Variants in NDUFV3 observed in about 807,000 individuals in gnomAD.
NDUFV3 encodes the protein NADH:ubiquinone oxidoreductase subunit V3.
NDUFV3 carries 44 observed loss-of-function variants against 37.5 expected under a neutral mutation model. The ratio of observed to expected loss-of-function variants is 1.17; its 90% confidence interval spans 0.92 to 1.51. NDUFV3 has a LOEUF of 1.51. NDUFV3 is among the 40% of genes most tolerant of loss of function. The probability of loss-of-function intolerance (pLI) is 0.00; values close to 1 mark genes in which losing one functional copy is unlikely to be tolerated. For missense variants in NDUFV3, 580 were observed against 580.4 expected, an observed-to-expected ratio of 1.00 and a Z score of 0.01; for synonymous variants, 235 against 239.3, an observed-to-expected ratio of 0.98 and a Z score of 0.17.
At chr21:42,904,398 G>A in intron 3 of NDUFV3, 122 bp downstream of exon 3, 1 of 1,331,652 alleles carries the variant, frequency 7.5e-7, no homozygotes, top group Non-Finnish European at 1.0e-6. Context: ...TAGAAATATG[G>A]CCTGTAACGC....
chr21:42,895,297 A>C (rs554376501), intron 1 of NDUFV3, among the ~76,000 whole-genome samples: 1 of 152,272 alleles, frequency 6.6e-6, no homozygotes, highest in African/African-American at 2.4e-5. Context: ...AACCTGATCA[A>C]CATGGTGAAA....
At chr21:42,896,016 C>T (rs1271001528) in intron 1 of NDUFV3, among the ~76,000 whole-genome samples, 2 of 143,170 alleles carry the variant, frequency 1.4e-5, no homozygotes, top group Non-Finnish European at 3.0e-5. Flanking sequence ...GACAGTCTCA[C>T]TCTGTTGTCC....
At position 42,910,385 on chromosome 21, in the gene NDUFV3, G is replaced by T. The variant is rs947647750; in HGVS notation, c.*1364G>T. 2 of 152,336 alleles carry T rather than the reference G, an allele frequency of 1.3e-5. No individual in the cohort carries two copies. The highest frequency in any genetic ancestry group is 4.8e-5 in the African/African-American group (2 of 41,456). The allele number at this position is 152,336 out of a possible 1,614,324, so 9.4% of individuals were successfully genotyped here. ...TGCATTGCAAACAAATTGTATTGCA[G>T]TATTTTACCATCAGAAAAGGAAGGG... On this transcript the variant is annotated 3_prime_UTR_variant, in exon 4 of 4. Transcript: ENST00000354250.
chr21:42,904,080 G>T lies in NDUFV3; in HGVS notation c.1068G>T (p.Gly356=). The stretch of plus-strand genomic sequence containing the variant: ...CCCTGCCCAGAAAGGAAACCTCAGG[G>T]ACGCAGGGAATAGAAGGCCACCTGA... The part of the protein sequence containing the change: ...APPLPRKETS[G]TQGIEGHLKG... Residue 356 remains glycine (G), a synonymous_variant, in exon 3 of 4, where the codon GGG becomes GGT. Transcript: ENST00000354250. 1 of 1,614,242 alleles carries T rather than the reference G, an allele frequency of 6.2e-7. No individual in the cohort carries two copies. Among genetic ancestry groups the T allele is most frequent in the Non-Finnish European group, 8.5e-7 (1 of 1,180,038 alleles).
chr21:42,898,025 T>C (rs1034285343), intron 2 of NDUFV3, among the ~76,000 whole-genome samples: 1 of 152,200 alleles, frequency 6.6e-6, no homozygotes, highest in Non-Finnish European at 1.5e-5. Context: ...TTGAGTTTGG[T>C]CTTATTTTCA....
rs183648098 is a variant in NDUFV3, at chr21:42,904,267, G to A, written c.1255G>A (p.Gly419Ser). The change falls in exon 3 of 4, where the codon GGC becomes AGC. Residue 419 changes from glycine (G) to serine (S), a missense_variant. Physicochemically the swap from Gly to Ser is moderately conservative, Grantham distance 56. Coordinates refer to ENST00000354250, the MANE Select transcript of NDUFV3 (RefSeq NM_021075.4). ...DAAAPGDDRGGTQEPAPVPAE... is the reference protein window; with the variant it reads ...DAAAPGDDRGSTQEPAPVPAE... ...AGCCGCGCCAGGGGACGACCGAGGC[G>A]GCACACAGGGTATACCTTGACTCGC... is the stretch of plus-strand genomic sequence containing the variant. 28 of 1,595,846 alleles carry A rather than the reference G, an allele frequency of 1.8e-5. 1 individual carries two copies. The highest frequency in any genetic ancestry group is 1.4e-4 in the Admixed American group (8 of 56,576).
At chr21:42,902,495 C>A (rs573494636) in intron 2 of NDUFV3, among the ~76,000 whole-genome samples, 1 of 152,032 alleles carries the variant, frequency 6.6e-6, no homozygotes. Flanking sequence ...AAGGCCATGC[C>A]CTCACTTTTC....
chr21:42,902,190 A>G (rs904833597), intron 2 of NDUFV3, among the ~76,000 whole-genome samples: 1 of 152,226 alleles, frequency 6.6e-6, no homozygotes, highest in African/African-American at 2.4e-5. Context: ...CCTGGGCAAC[A>G]AGAGTGAAAC....
rs1251248766 is a variant in NDUFV3 at position 42,904,189 on chromosome 21, G to A, written c.1177G>A (p.Glu393Lys). The stretch of plus-strand genomic sequence containing the variant: ...TGTTGAGAATAACCACGGTTTCCAT[G>A]AAAAGACAGCAGCGCTGAAGCTTGA... ...VPVENNHGFH[E>K]KTAALKLEAE... Residue 393 changes from glutamate to lysine, a missense_variant, in exon 3 of 4, where the codon GAA (glutamate) becomes AAA (lysine). Physicochemically the swap from Glu to Lys is moderately conservative, Grantham distance 56. Coordinates refer to ENST00000354250, the MANE Select transcript of NDUFV3 (RefSeq NM_021075.4). 5.0e-6 allele frequency: 8 copies of A among 1,614,060 alleles called. No homozygotes were observed. In the Admixed American group the frequency reaches 1.2e-4, roughly 24 times the overall value.
rs1354156099 is a variant in NDUFV3, at chr21:42,903,335, C to T, written c.323C>T (p.Thr108Ile). The change falls in exon 3 of 4, where the codon ACA (threonine) becomes ATA (isoleucine). Residue 108 changes from threonine (T) to isoleucine (I), a missense_variant. Transcript: ENST00000354250. The part of the protein sequence containing the change: ...SPSPSGSVLF[T>I]DEGVPKFLSR... ...AGTCCCAGTGGCAGCGTGCTATTCA[C>T]AGATGAAGGGGTTCCGAAATTTTTG... The T allele has an allele frequency of 5.6e-6, 9 of 1,614,168 alleles. No homozygotes were observed. The highest frequency in any genetic ancestry group is 5.9e-6 in the Non-Finnish European group (7 of 1,180,024).
In NDUFV3 at chr21:42,913,115, G is replaced by C. The variant is rs923179855; in HGVS notation, c.*4094G>C. The C allele has an allele frequency of 1.3e-5, 2 of 152,150 alleles. No homozygotes were observed. The highest frequency in any genetic ancestry group is 2.9e-5 in the Non-Finnish European group (2 of 68,068). The allele number at this position is 152,150 out of a possible 1,614,324, so 9.4% of individuals were successfully genotyped here. On this transcript the variant is annotated 3_prime_UTR_variant, in exon 4 of 4. Transcript: ENST00000354250. Reference sequence around the variant, plus strand: ...AATAAGTGGGTGTTTTAAGTGCTCAGCTTCCTTGGTTCTACCACCTTCTCT... The same window carrying C: ...AATAAGTGGGTGTTTTAAGTGCTCACCTTCCTTGGTTCTACCACCTTCTCT...
rs1183472909 is a variant in NDUFV3 at position 42,904,052 on chromosome 21, C to G, written c.1040C>G (p.Pro347Arg). The G allele has an allele frequency of 6.2e-7, 1 of 1,614,186 alleles. No individual in the cohort carries two copies. The highest frequency in any genetic ancestry group is 1.7e-5 in the Admixed American group (1 of 60,026). Reference sequence around the variant, plus strand: ...CCAGAGCCCCAGCGCAAGGCGGCCCCTCCCCTGCCCAGAAAGGAAACCTCA... The same window carrying G: ...CCAGAGCCCCAGCGCAAGGCGGCCCGTCCCCTGCCCAGAAAGGAAACCTCA... Reference protein sequence around the residue: ...PVPEPQRKAAPPLPRKETSGT... With the variant: ...PVPEPQRKAARPLPRKETSGT... Residue 347 changes from proline to arginine, a missense_variant, in exon 3 of 4, where the codon CCT (proline) becomes CGT (arginine). Coordinates refer to ENST00000354250, the MANE Select transcript of NDUFV3 (RefSeq NM_021075.4).
At position 42,894,559 on chromosome 21, in the gene NDUFV3, A is replaced by T. The variant is rs1488630528; in HGVS notation, c.48+1178A>T. Among the ~76,000 whole-genome samples the T allele has an allele frequency of 1.4e-4, 9 of 63,758 alleles. 1 individual carries two copies. The highest frequency in any genetic ancestry group is 2.6e-4 in the East Asian group (1 of 3,884). 41.8% of individuals were successfully genotyped at this position (63,758 alleles called of 152,430 possible). Reference sequence around the variant, plus strand: ...TCATAATATAATATATAATATATATATATTTTTTTTTGAGACAGAGCCTCA... The same window carrying T: ...TCATAATATAATATATAATATATATTTATTTTTTTTTGAGACAGAGCCTCA... On this transcript the variant is annotated intron_variant, in intron 1 of 3. Transcript: ENST00000354250.
chr21:42,893,798 G>A (rs1041118580), intron 1 of NDUFV3, among the ~76,000 whole-genome samples: 1 of 152,276 alleles, frequency 6.6e-6, no homozygotes, highest in Non-Finnish European at 1.5e-5. Flanking sequence ...GAGAGGAAAT[G>A]AGGGAACTTT....
chr21:42,896,807 C>A, intron 1 of NDUFV3, 120 bp from the exon 2 acceptor site: 1 of 1,043,714 alleles, frequency 9.6e-7, no homozygotes. Flanking sequence ...CCACTGCACT[C>A]CAGCCTGGAC....
At chr21:42,899,191 A>T (rs2146152516) in intron 2 of NDUFV3, among the ~76,000 whole-genome samples, 1 of 152,212 alleles carries the variant, frequency 6.6e-6, no homozygotes, top group African/African-American at 2.4e-5. Context: ...GGATACACGT[A>T]GCTACTGCAC....
At position 42,897,660 on chromosome 21, in the gene NDUFV3, A is replaced by C. The variant is rs142754352; in HGVS notation, c.169+613A>C. ...AGTGTTGGGATTACAGGCGTGAGCC[A>C]CTGCGCCCGGCCTAAATCTTTAATT... On this transcript the variant is annotated intron_variant, in intron 2 of 3. Transcript: ENST00000354250. 3.3e-5 allele frequency among the ~76,000 whole-genome samples: 5 copies of C among 152,258 alleles called. No homozygotes were observed. In the East Asian group the frequency reaches 5.8e-4, roughly 18 times the overall value.
rs2058729754 is a variant in NDUFV3, at chr21:42,903,905, G to A, written c.893G>A (p.Gly298Glu). ...CCCTTACCTGTCCACACAAAATCAGGGTTGTCTGCGCCACCGAAGGGCAGC... is the reference window on the plus strand; with the variant it reads ...CCCTTACCTGTCCACACAAAATCAGAGTTGTCTGCGCCACCGAAGGGCAGC... ...KGPLPVHTKS[G>E]LSAPPKGSPA... Residue 298 changes from glycine (G) to glutamate (E), a missense_variant, in exon 3 of 4, where the codon GGG (glycine) becomes GAG (glutamate). Transcript: ENST00000354250. The A allele has an allele frequency of 6.2e-7, 1 of 1,611,466 alleles. No individual in the cohort carries two copies. The highest frequency in any genetic ancestry group is 1.1e-5 in the South Asian group (1 of 90,886).
chr21:42,897,728 G>C (rs575853803), intron 2 of NDUFV3, among the ~76,000 whole-genome samples: 13 of 150,818 alleles, frequency 8.6e-5, no homozygotes, highest in Admixed American at 1.3e-4. Flanking sequence ...CCCTGCTGGA[G>C]TGCAGTGGCG....
Sources: gnomAD v4.1 joint callset for allele counts (sites outside exome capture counted in the v4.1 genomes callset) on GRCh38, gnomAD v4.1.1 for gene constraint, MANE v1.5 for transcripts, NCBI Gene and HGNC (gene_info 2026-07-23, HGNC 2026-07-21) for gene names.